GPC5: variants seen among roughly 807,000 people sequenced by gnomAD.
GPC5 encodes glypican-5.
In GPC5, 47 loss-of-function variants were observed where a neutral mutation model predicts 53.9. The observed-to-expected ratio is 0.87, with a 90% CI of 0.69 to 1.11. GPC5 has a LOEUF of 1.11. Among genes scored for constraint, GPC5 ranks in the 50% most tolerant of loss-of-function variants. The pLI, the probability that GPC5 is intolerant of heterozygous loss-of-function variation, is 0.00. For synonymous variants in GPC5, 286 were observed against 263.3 expected (o/e 1.09, Z -0.84); for missense variants, 748 against 713.1 (o/e 1.05, Z -0.56).
chr13:92,849,184 C>T (rs966435331), intron 7 of GPC5, among the ~76,000 whole-genome samples: 1 of 152,158 alleles, frequency 6.6e-6, no homozygotes, highest in Non-Finnish European at 1.5e-5. Context: ...GTCTTCTCCT[C>T]ATGTGTGTGG....
At chr13:91,770,738 G>GTGTGTGTGTGTGTGTA (rs760021941) in intron 5 of GPC5, among the ~76,000 whole-genome samples, 4 of 149,316 alleles carry the variant, frequency 2.7e-5, no homozygotes. Flanking sequence ...GTGTGTGTGT[G>GTGTGTGTGTGTGTGTA]TATGCATATG....
intron 7 of GPC5, among the ~76,000 whole-genome samples, chr13:92,760,855 ATTG>A (rs1227295343): frequency 3.3e-5 from 5 of 151,904 alleles, no homozygotes; most frequent in Admixed American, 6.6e-5. Flanking sequence ...CATTTCTATT[ATTG>A]TTTGTTTCAA....
intron 7 of GPC5, among the ~76,000 whole-genome samples, chr13:92,439,036 A>G (rs1877439875): frequency 6.6e-6 from 1 of 152,280 alleles, no homozygotes; most frequent in Non-Finnish European, 1.5e-5. Context: ...AGAGAAATCC[A>G]TGTGACAAAC....
At chr13:91,686,632 G>T (rs1398278320) in intron 2 of GPC5, among the ~76,000 whole-genome samples, 1 of 151,610 alleles carries the variant, frequency 6.6e-6, no homozygotes, top group Non-Finnish European at 1.5e-5. Context: ...AAAATCAAAA[G>T]AATTATTACT....
chr13:92,494,943 T>G (rs527893151), intron 7 of GPC5, among the ~76,000 whole-genome samples: 1 of 152,156 alleles, frequency 6.6e-6, no homozygotes, highest in Non-Finnish European at 1.5e-5. Context: ...TTTTTAAAAA[T>G]TTTTTTGTGA....
intron 7 of GPC5, among the ~76,000 whole-genome samples, chr13:92,583,650 G>A (rs1203564915): frequency 1.3e-5 from 2 of 152,132 alleles, no homozygotes; most frequent in African/African-American, 4.8e-5. Flanking sequence ...TGCCTGTGAA[G>A]CACACATGCA....
At chr13:92,203,142 A>C (rs1223574407) in intron 7 of GPC5, among the ~76,000 whole-genome samples, 3 of 152,128 alleles carry the variant, frequency 2.0e-5, no homozygotes, top group Non-Finnish European at 2.9e-5. Context: ...CACACTTTTC[A>C]TTTACTTTAA....
At chr13:92,583,004 G>A (rs1050941911) in intron 7 of GPC5, among the ~76,000 whole-genome samples, 3 of 152,096 alleles carry the variant, frequency 2.0e-5, no homozygotes, top group African/African-American at 2.4e-5. Flanking sequence ...TAACTGCTCT[G>A]GCTAGGACTT....
At chr13:92,331,286 A>G (rs2043286314) in intron 7 of GPC5, among the ~76,000 whole-genome samples, 1 of 152,260 alleles carries the variant, frequency 6.6e-6, no homozygotes, top group East Asian at 1.9e-4. Flanking sequence ...AAGCACAATT[A>G]TTACAAAATG....
intron 7 of GPC5, among the ~76,000 whole-genome samples, chr13:92,701,772 T>C (rs574064530): frequency 6.6e-6 from 1 of 152,242 alleles, no homozygotes; most frequent in South Asian, 2.1e-4. Flanking sequence ...AGCAATCTAT[T>C]TTAGAATCGT....
chr13:92,192,969 G>T (rs2042233276), intron 7 of GPC5, among the ~76,000 whole-genome samples: 1 of 152,142 alleles, frequency 6.6e-6, no homozygotes, highest in African/African-American at 2.4e-5. Context: ...AAGGTCAGGA[G>T]TTTGAGACCA....
intron 2 of GPC5, 49 bp downstream of exon 2, chr13:91,448,971 T>A: frequency 6.3e-7 from 1 of 1,585,190 alleles, no homozygotes; most frequent in Non-Finnish European, 8.6e-7. Context: ...TGTTATGTAA[T>A]TTGCCTAAGA....
chr13:92,389,684 A>G (rs2139321910), intron 7 of GPC5, among the ~76,000 whole-genome samples: 1 of 152,276 alleles, frequency 6.6e-6, no homozygotes. Context: ...AGAAAAGCCC[A>G]ATTAATAGAC....
intron 3 of GPC5, among the ~76,000 whole-genome samples, chr13:91,709,542 C>T (rs144546158): frequency 8.3e-4 from 126 of 152,312 alleles, no homozygotes; most frequent in African/African-American, 3.0e-3. Flanking sequence ...AATGTTAATG[C>T]TACTCCTCAT....
intron 2 of GPC5, among the ~76,000 whole-genome samples, chr13:91,658,391 G>T (rs1298741447): frequency 3.0e-5 from 3 of 98,930 alleles, no homozygotes; most frequent in East Asian, 3.8e-4. Context: ...GGAATTTTTT[G>T]GGGGGATAGA....
intron 7 of GPC5, among the ~76,000 whole-genome samples, chr13:92,496,177 G>C (rs545928395): frequency 6.6e-6 from 1 of 151,830 alleles, no homozygotes; most frequent in Non-Finnish European, 1.5e-5. Flanking sequence ...TTTATAATTC[G>C]AATATAATTA....
At chr13:91,841,829 T>A (rs1173111947) in intron 5 of GPC5, among the ~76,000 whole-genome samples, 1 of 152,206 alleles carries the variant, frequency 6.6e-6, no homozygotes, top group East Asian at 1.9e-4. Context: ...CAGTGAGTCT[T>A]GGAGCATATG....
intron 6 of GPC5, among the ~76,000 whole-genome samples, chr13:91,966,315 A>G (rs1479152540): frequency 6.6e-6 from 1 of 152,224 alleles, no homozygotes; most frequent in Non-Finnish European, 1.5e-5. Flanking sequence ...TCAAAAGTGT[A>G]TAATGGGAGC....
At chr13:92,336,897 C>T (rs2043327441) in intron 7 of GPC5, among the ~76,000 whole-genome samples, 1 of 152,144 alleles carries the variant, frequency 6.6e-6, no homozygotes. Context: ...AGCTCCTGGC[C>T]TCAAGTGATC....
Sources: allele counts gnomAD v4.1 joint callset (sites outside exome capture counted in the v4.1 genomes callset), GRCh38; gene constraint gnomAD v4.1.1; transcripts MANE v1.5; gene names NCBI Gene and HGNC (gene_info 2026-07-23, HGNC 2026-07-21).